Variants in MAP7 observed in about 807,000 individuals in gnomAD.
MAP7 encodes ensconsin.
Under a neutral mutation model 94.8 loss-of-function variants are expected in MAP7, and 52 were observed. The ratio of observed to expected loss-of-function variants is 0.55; its 90% CI spans 0.44 to 0.69. The LOEUF (loss-of-function observed/expected upper bound fraction) is 0.69. MAP7 is among the 30% of genes least tolerant of loss of function. MAP7 has a pLI of 0.00. For missense variants in MAP7, 940 were observed against 964.6 expected (o/e 0.97, Z 0.34); for synonymous variants, 350 against 357.0 (o/e 0.98, Z 0.22).
intron 1 of MAP7, among the ~76,000 whole-genome samples, chr6:136,445,974 A>T (rs1799214567): frequency 3.3e-5 from 5 of 152,242 alleles, no homozygotes; most frequent in Admixed American, 2.6e-4. Context: ...TGAATTCTGC[A>T]GCCGACACCA....
chr6:136,390,009 G>C (rs1318894726), intron 3 of MAP7, among the ~76,000 whole-genome samples: 8 of 152,198 alleles, frequency 5.3e-5, no homozygotes, highest in Non-Finnish European at 8.8e-5. Context: ...CATTGAGTCA[G>C]CTCAGGGATG....
At chr6:136,375,546 A>C (rs528100354) in intron 7 of MAP7, among the ~76,000 whole-genome samples, 1 of 152,186 alleles carries the variant, frequency 6.6e-6, no homozygotes, top group South Asian at 2.1e-4. Context: ...ATGAAAGAAT[A>C]ATCAAGGACA....
chr6:136,446,564 G>A (rs1799426423), intron 1 of MAP7, among the ~76,000 whole-genome samples: 1 of 152,150 alleles, frequency 6.6e-6, no homozygotes, highest in Admixed American at 6.5e-5. Context: ...GGGAGGTGCA[G>A]GGGGGCGCTG....
At chr6:136,502,460 G>C (rs900018655) in intron 1 of MAP7, among the ~76,000 whole-genome samples, 1 of 152,196 alleles carries the variant, frequency 6.6e-6, no homozygotes, top group Admixed American at 6.5e-5. Flanking sequence ...GTCATTAAAG[G>C]CCTGCACTAG....
chr6:136,530,655 C>T (rs780449966), intron 1 of MAP7, among the ~76,000 whole-genome samples: 4 of 144,772 alleles, frequency 2.8e-5, no homozygotes, highest in Non-Finnish European at 4.4e-5. Flanking sequence ...GCTTTTGTGA[C>T]GATAAAGGCA....
chr6:136,427,893 C>T (rs1418350404), intron 1 of MAP7, among the ~76,000 whole-genome samples: 1 of 152,048 alleles, frequency 6.6e-6, no homozygotes, highest in Non-Finnish European at 1.5e-5. Flanking sequence ...TTCTCCATCT[C>T]GTCATAATGG....
Position 136,365,915 on chromosome 6 carries a change from A to G in MAP7, c.1093T>C (p.Ser365Pro). Residue 365 changes from serine to proline, a missense_variant, in exon 10 of 18, where the codon TCC becomes CCC. Transcript: ENST00000354570. ...KAAPAQVRPP[S>P]PGNIRPVKRE... is the part of the protein sequence containing the mutation. ...TTGACAGGGCGGATGTTGCCGGGGG[A>G]TGGGGGCCGGACCTGAGCAGGAGCA... The G allele has an allele frequency of 1.2e-6, 2 of 1,613,734 alleles. No individual in the cohort carries two copies. Among genetic ancestry groups the G allele is most frequent in the Non-Finnish European group, 1.7e-6 (2 of 1,179,980 alleles).
At chr6:136,414,963 C>A (rs765170580) in intron 2 of MAP7, among the ~76,000 whole-genome samples, 3 of 151,880 alleles carry the variant, frequency 2.0e-5, no homozygotes, top group Non-Finnish European at 2.9e-5. Flanking sequence ...GACAGGCATG[C>A]GCCACCAGGC....
chr6:136,384,115 G>A (rs17065472), intron 5 of MAP7, among the ~76,000 whole-genome samples: 3,063 of 152,230 alleles, frequency 0.02, 106 homozygotes, highest in African/African-American at 0.069. Flanking sequence ...CCATAAAAGC[G>A]AATGCCTTTG....
At chr6:136,515,127 T>A (rs1165021118) in intron 1 of MAP7, among the ~76,000 whole-genome samples, 1 of 152,252 alleles carries the variant, frequency 6.6e-6, no homozygotes, top group East Asian at 1.9e-4. Context: ...TGTGCTTTTA[T>A]GTTATGGAGA....
chr6:136,448,635 G>C (rs1800090558), intron 1 of MAP7, among the ~76,000 whole-genome samples: 1 of 151,802 alleles, frequency 6.6e-6, no homozygotes, highest in Non-Finnish European at 1.5e-5. Context: ...GGATGGTCTC[G>C]ATCTCCTGAT....
chr6:136,550,393 C>G lies in MAP7; in HGVS notation c.16G>C (p.Ala6Pro). The G allele has an allele frequency of 8.5e-6, 13 of 1,528,028 alleles. No homozygotes were observed. Among genetic ancestry groups the G allele is most frequent in the Non-Finnish European group, 1.1e-5 (13 of 1,145,756 alleles). The allele number at this position is 1,528,028 out of a possible 1,614,324, so 94.7% of individuals were successfully genotyped here. Residue 6 changes from alanine (A) to proline (P), a missense_variant, in exon 1 of 18, where the codon GCT becomes CCT. Ala to Pro is a conservative substitution (Grantham distance 27). Coordinates refer to ENST00000354570, the MANE Select transcript of MAP7 (RefSeq NM_003980.6). The surrounding 1 kb of genome is among the most constrained non-coding windows in gnomAD (Gnocchi z 5.1). MAELGAGGDGHRGGDG... is the reference protein window; with the variant it reads MAELGPGGDGHRGGDG... ...CCGCCCCTGTGGCCGTCGCCGCCAG[C>G]TCCTAGCTCCGCCATGGTGCTCCGA...
chr6:136,389,531 T>TAA lies in MAP7; in HGVS notation c.245-16_245-15dup, dbSNP rs370613031. 278 of 1,529,094 alleles carry TAA rather than the reference T, an allele frequency of 1.8e-4. No individual in the cohort carries two copies. The highest frequency in any genetic ancestry group is 5.0e-4 in the African/African-American group (33 of 65,682). The allele number at this position is 1,529,094 out of a possible 1,614,324, so 94.7% of individuals were successfully genotyped here. On this transcript the variant is annotated splice_polypyrimidine_tract_variant and intron_variant, in intron 3 of 17. Transcript: ENST00000354570. Reference sequence around the variant, plus strand: ...TTTCTCTTGCAGCTTTGGGGAGGGTTAAAAAAAAAAAAAAAGAGGGAAATC... The same window carrying TAA: ...TTTCTCTTGCAGCTTTGGGGAGGGTTAAAAAAAAAAAAAAAAAGAGGGAAATC...
chr6:136,484,867 C>CT (rs34689362), intron 1 of MAP7, among the ~76,000 whole-genome samples: 7 of 151,884 alleles, frequency 4.6e-5, no homozygotes, highest in Non-Finnish European at 7.4e-5. Flanking sequence ...TAATTTTTAT[C>CT]TTTTTTTTGT....
At chr6:136,419,239 T>C (rs541206962) in intron 2 of MAP7, among the ~76,000 whole-genome samples, 1 of 152,330 alleles carries the variant, frequency 6.6e-6, no homozygotes, top group Admixed American at 6.5e-5. Context: ...CCTAGTACTT[T>C]AATGATGCTA....
At chr6:136,414,811 T>G in intron 2 of MAP7, among the ~76,000 whole-genome samples, 1 of 148,968 alleles carries the variant, frequency 6.7e-6, no homozygotes, top group Non-Finnish European at 1.5e-5. Context: ...TCAGCTAATT[T>G]TTTTTTTTTT....
Position 136,497,718 on chromosome 6 carries a change from G to A in MAP7, c.67+52624C>T, listed in dbSNP as rs192559918. On this transcript the variant is annotated intron_variant, in intron 1 of 17. Transcript: ENST00000354570. Reference sequence around the variant, plus strand: ...GGAGGCTGAGGCAGGAGAATCGCTTGAACCCGGGAGGTGGATGCTGCAGTG... The same window carrying A: ...GGAGGCTGAGGCAGGAGAATCGCTTAAACCCGGGAGGTGGATGCTGCAGTG... 3.8e-4 allele frequency among the ~76,000 whole-genome samples: 55 copies of A among 145,480 alleles called. No individual in the cohort carries two copies. The East Asian group carries it at 9.1e-3, about 24-fold the overall frequency.
chr6:136,514,602 A>G (rs1055470483), intron 1 of MAP7, among the ~76,000 whole-genome samples: 4 of 148,922 alleles, frequency 2.7e-5, no homozygotes, highest in African/African-American at 4.9e-5. Context: ...AAAAAAAAAA[A>G]AAAAAGAAAA....
intron 1 of MAP7, among the ~76,000 whole-genome samples, chr6:136,475,589 C>T (rs1810609221): frequency 6.6e-6 from 1 of 152,176 alleles, no homozygotes; most frequent in South Asian, 2.1e-4. Context: ...AATAAACATA[C>T]TGCTAAACAA....
Sources: gnomAD v4.1 joint callset for allele counts (sites outside exome capture counted in the v4.1 genomes callset) on GRCh38, gnomAD v4.1.1 for gene constraint, Gnocchi (gnomAD v3.1) non-coding constraint, MANE v1.5 for transcripts, NCBI Gene and HGNC (gene_info 2026-07-23, HGNC 2026-07-21) for gene names.